Variants in POTEI observed in about 807,000 individuals in gnomAD.
The protein encoded by POTEI is POTE ankyrin domain family member I.
A neutral mutation model predicts 43.4 loss-of-function variants in POTEI; 14 were observed. The ratio of observed to expected loss-of-function variants is 0.32; its 90% confidence interval spans 0.21 to 0.50. The LOEUF is 0.50. POTEI is among the 20% of genes least tolerant of loss of function. The pLI is 0.98. For synonymous variants in POTEI, 95 were observed against 297.9 expected, an observed-to-expected ratio of 0.32 and a Z score of 7.01; for missense variants, 235 against 795.4, an observed-to-expected ratio of 0.30 and a Z score of 8.47.
In POTEI at chr2:130,479,331, G is replaced by A. The variant is rs4241169; in HGVS notation, c.1481-2630C>T. 2.7e-5 allele frequency among the ~76,000 whole-genome samples: 4 copies of A among 148,898 alleles called. 1 individual carries two copies. Among genetic ancestry groups the A allele is most frequent in the East Asian group, 2.0e-4 (1 of 5,024 alleles). On this transcript the variant is annotated intron_variant, in intron 10 of 14. Coordinates refer to ENST00000451531, the MANE Select transcript of POTEI (RefSeq NM_001277406.2). ...ATAACGAAGGCCAACATAGTAAAAT[G>A]AGTAACTGAGATTTCTAACATTATT... is the stretch of plus-strand genomic sequence containing the variant.
chr2:130,492,918 T>C (rs1477591297), intron 6 of POTEI, among the ~76,000 whole-genome samples: 5 of 151,770 alleles, frequency 3.3e-5, no homozygotes, highest in African/African-American at 1.2e-4. Flanking sequence ...TCCTACCCAG[T>C]CCATAAATTC....
In POTEI at chr2:130,509,282, T is replaced by A; in HGVS notation, c.-47A>T. The A allele has an allele frequency of 1.1e-6, 1 of 874,246 alleles. No homozygotes were observed. Among genetic ancestry groups the A allele is most frequent in the South Asian group, 1.7e-5 (1 of 57,484 alleles). 54.2% of individuals were successfully genotyped at this position (874,246 alleles called of 1,614,324 possible). A position where few individuals can be genotyped will look rare whatever the true frequency, so the allele number is the denominator to read the frequency against. Reference sequence around the variant, plus strand: ...GGCCGGTAGTAGCGAGCAGATCACGTCTACCAACCAGTTTCACCAACTAGC... The same window carrying A: ...GGCCGGTAGTAGCGAGCAGATCACGACTACCAACCAGTTTCACCAACTAGC... On this transcript the variant is annotated 5_prime_UTR_variant, in exon 1 of 15. Transcript: ENST00000451531.
intron 9 of POTEI, among the ~76,000 whole-genome samples, chr2:130,485,019 G>A (rs1223972276): frequency 2.6e-5 from 4 of 152,420 alleles, no homozygotes; most frequent in Middle Eastern, 3.4e-3. Flanking sequence ...ACCAAAGTAG[G>A]AAAGACTACA....
At chr2:130,507,316 ATACACACACAC>A (rs1684202346) in intron 1 of POTEI, among the ~76,000 whole-genome samples, 1 of 5,712 alleles carries the variant, frequency 1.8e-4, no homozygotes, top group South Asian at 0.019. Context: ...ATATATATAT[ATACACACACAC>A]ACACACACAC....
intron 13 of POTEI, among the ~76,000 whole-genome samples, chr2:130,467,626 C>T (rs1434437268): frequency 6.6e-6 from 1 of 151,688 alleles, no homozygotes; most frequent in African/African-American, 2.4e-5. Context: ...TAAATAAGAC[C>T]TAATTAAACT....
intron 14 of POTEI, among the ~76,000 whole-genome samples, chr2:130,464,769 C>G (rs2438708): frequency 0.051 from 6,665 of 129,738 alleles, 1 homozygote; most frequent in Middle Eastern, 0.072. Context: ...TCTAGGCATT[C>G]CACTTCTACA....
At position 130,509,298 on chromosome 2, in the gene POTEI, A is replaced by G; in HGVS notation, c.-63T>C. The G allele has an allele frequency of 1.4e-6, 1 of 736,180 alleles. No homozygotes were observed. Among genetic ancestry groups the G allele is most frequent in the Non-Finnish European group, 2.1e-6 (1 of 484,566 alleles). 45.6% of individuals were successfully genotyped at this position (736,180 alleles called of 1,614,324 possible). A position where few individuals can be genotyped will look rare whatever the true frequency, so the allele number is the denominator to read the frequency against. ...CAGATCACGTCTACCAACCAGTTTC[A>G]CCAACTAGCAGGTAACTCCGGGTTT... On this transcript the variant is annotated 5_prime_UTR_variant, in exon 1 of 15. Coordinates refer to ENST00000451531, the MANE Select transcript of POTEI (RefSeq NM_001277406.2).
chr2:130,467,836 C>A (rs1213910491), intron 13 of POTEI, among the ~76,000 whole-genome samples: 2 of 144,234 alleles, frequency 1.4e-5, no homozygotes, highest in Non-Finnish European at 3.1e-5. Flanking sequence ...AGAAGAGGTA[C>A]AAACGGTAAA....
chr2:130,483,510 A>G (rs912312298), intron 9 of POTEI, among the ~76,000 whole-genome samples: 8 of 142,356 alleles, frequency 5.6e-5, no homozygotes, highest in Admixed American at 4.3e-4. Flanking sequence ...ATTAATATAA[A>G]CAATGTAGCT....
intron 9 of POTEI, among the ~76,000 whole-genome samples, chr2:130,483,740 G>A (rs1410862206): frequency 1.0e-4 from 15 of 148,664 alleles, no homozygotes; most frequent in Non-Finnish European, 1.0e-4. Context: ...GACTACAGGC[G>A]CATGCCACCA....
At chr2:130,468,713 G>A (rs1397519072) in intron 13 of POTEI, among the ~76,000 whole-genome samples, 3 of 146,940 alleles carry the variant, frequency 2.0e-5, no homozygotes, top group African/African-American at 5.0e-5. Flanking sequence ...TGGGGGGGGG[G>A]GTATCCTTAT....
chr2:130,477,264 C>T (rs1384767961), intron 10 of POTEI, among the ~76,000 whole-genome samples: 1 of 147,652 alleles, frequency 6.8e-6, no homozygotes, highest in Admixed American at 6.7e-5. Flanking sequence ...AGTGATTCTC[C>T]TGCTTCAGTC....
intron 10 of POTEI, among the ~76,000 whole-genome samples, chr2:130,477,060 A>G (rs1252658631): frequency 6.7e-6 from 1 of 150,156 alleles, no homozygotes; most frequent in Non-Finnish European, 1.5e-5. Flanking sequence ...TGATTTCCAA[A>G]ATCACTGCTG....
chr2:130,477,293 A>G (rs1683232547), intron 10 of POTEI, among the ~76,000 whole-genome samples: 1 of 145,196 alleles, frequency 6.9e-6, no homozygotes, highest in Admixed American at 6.8e-5. Flanking sequence ...AACTGTGATT[A>G]CAGGCAAGCA....
chr2:130,496,653 C>G (rs1306632411), intron 5 of POTEI, 31 bp from the exon 6 acceptor site: 1 of 1,409,130 alleles, frequency 7.1e-7, no homozygotes, highest in African/African-American at 1.4e-5. Context: ...AACCAAATTA[C>G]TATTTTAATA....
intron 10 of POTEI, among the ~76,000 whole-genome samples, chr2:130,477,775 C>T (rs1017255919): frequency 7.0e-6 from 1 of 142,062 alleles, no homozygotes; most frequent in Non-Finnish European, 1.5e-5. Context: ...AACACATGCC[C>T]AAGCAGAGAC....
At chr2:130,496,668 T>C (rs1435729952) in intron 5 of POTEI, 46 bp from the exon 6 acceptor site, 8 of 1,508,974 alleles carry the variant, frequency 5.3e-6, no homozygotes, top group East Asian at 5.0e-5. Flanking sequence ...TTAATACTGA[T>C]ATAAAAAAAC....
chr2:130,509,464 C>CCA, upstream of POTEI: 9 of 294,690 alleles, frequency 3.1e-5, no homozygotes, highest in Middle Eastern at 8.1e-4. Context: ...AACCCCCCCC[C>CCA]CCAAGAAAAC....
At chr2:130,467,640 A>C (rs1474751888) in intron 13 of POTEI, among the ~76,000 whole-genome samples, 1 of 151,974 alleles carries the variant, frequency 6.6e-6, no homozygotes, top group African/African-American at 2.4e-5. Flanking sequence ...TTAAACTAAA[A>C]AGCTTCAGCA....
Sources: gnomAD v4.1 joint callset for allele counts (sites outside exome capture counted in the v4.1 genomes callset) on GRCh38, gnomAD v4.1.1 for gene constraint, MANE v1.5 for transcripts, NCBI Gene and HGNC (gene_info 2026-07-23, HGNC 2026-07-21) for gene names.